KIAA1328: variants seen among roughly 807,000 people sequenced by gnomAD.
KIAA1328 encodes protein hinderin.
Under a neutral mutation model 68.1 loss-of-function variants are expected in KIAA1328, and 52 were observed. That is an observed-to-expected ratio of 0.76 (90% CI 0.61 to 0.96). The LOEUF is 0.96. Among genes scored for constraint, KIAA1328 ranks in the 40% least tolerant of loss-of-function variants. KIAA1328 has a pLI of 0.00. For missense variants in KIAA1328, 641 were observed against 677.6 expected (o/e 0.95, Z 0.60); for synonymous variants, 232 against 239.4 (o/e 0.97, Z 0.28).
At chr18:37,125,414 T>C (rs1300611791) in intron 7 of KIAA1328, among the ~76,000 whole-genome samples, 1 of 152,112 alleles carries the variant, frequency 6.6e-6, no homozygotes, top group Non-Finnish European at 1.5e-5. Context: ...GTTTAAATGT[T>C]TTAAATTGGT....
intron 9 of KIAA1328, among the ~76,000 whole-genome samples, chr18:37,183,741 CTT>C (rs1361052770): frequency 2.0e-5 from 3 of 152,326 alleles, no homozygotes; most frequent in Admixed American, 2.0e-4. Context: ...TGGTGTCAGT[CTT>C]CTCTATGAAA....
intron 5 of KIAA1328, among the ~76,000 whole-genome samples, chr18:36,907,214 G>A (rs1295468649): frequency 6.6e-6 from 1 of 151,838 alleles, no homozygotes; most frequent in Non-Finnish European, 1.5e-5. Context: ...TTTTATGTGA[G>A]CAATTGTGTT....
At chr18:36,890,446 G>A (rs112669372) in intron 5 of KIAA1328, among the ~76,000 whole-genome samples, 23,278 of 151,932 alleles carry the variant, frequency 0.15, 1,887 homozygotes, top group African/African-American at 0.19. Flanking sequence ...CAAGGCAGGC[G>A]GATCACCTGA....
chr18:37,067,568 T>TC, intron 7 of KIAA1328, 23 bp downstream of exon 7: 1 of 1,458,020 alleles, frequency 6.9e-7, no homozygotes, highest in East Asian at 2.5e-5. Flanking sequence ...TGTTCTTTTT[T>TC]TTTTTTTTTT....
intron 6 of KIAA1328, among the ~76,000 whole-genome samples, chr18:37,002,902 C>G (rs2053642549): frequency 6.6e-6 from 1 of 152,018 alleles, no homozygotes; most frequent in Non-Finnish European, 1.5e-5. Flanking sequence ...GCAAAAAGAG[C>G]AAAGAGGTGT....
At chr18:37,126,374 C>T (rs907084539) in intron 7 of KIAA1328, among the ~76,000 whole-genome samples, 2 of 151,918 alleles carry the variant, frequency 1.3e-5, no homozygotes, top group African/African-American at 4.8e-5. Flanking sequence ...TCTTGAAAGA[C>T]AAAAACTACC....
chr18:37,028,421 G>A (rs1280775347), intron 6 of KIAA1328, among the ~76,000 whole-genome samples: 1 of 151,934 alleles, frequency 6.6e-6, no homozygotes, highest in African/African-American at 2.4e-5. Flanking sequence ...TTATCTAGGA[G>A]CTTTAGGGCA....
chr18:36,848,401 A>G (rs954509640), intron 4 of KIAA1328, among the ~76,000 whole-genome samples: 2 of 151,286 alleles, frequency 1.3e-5, no homozygotes, highest in Non-Finnish European at 1.5e-5. Flanking sequence ...TTTTTAACAT[A>G]TATTGGCTTG....
At chr18:36,869,934 C>T (rs2047888966) in intron 4 of KIAA1328, among the ~76,000 whole-genome samples, 1 of 152,074 alleles carries the variant, frequency 6.6e-6, no homozygotes, top group Non-Finnish European at 1.5e-5. Context: ...GCGATCTGGG[C>T]TCACTGCAAC....
intron 6 of KIAA1328, 68 bp from the exon 7 acceptor site, chr18:37,066,822 A>G (rs2056354085): frequency 7.1e-7 from 1 of 1,410,130 alleles, no homozygotes; most frequent in African/African-American, 1.4e-5. Context: ...CTGATTTCTG[A>G]AAAACCAAAC....
chr18:37,080,068 A>G lies in KIAA1328; in HGVS notation c.1232+12523A>G, dbSNP rs1175326004. Among the ~76,000 whole-genome samples, 4 of 152,350 alleles carry G rather than the reference A, an allele frequency of 2.6e-5. No homozygotes were observed. The South Asian group carries it at 6.2e-4, about 24-fold the overall frequency. On this transcript the variant is annotated intron_variant, in intron 7 of 9. Transcript: ENST00000280020. The stretch of plus-strand genomic sequence containing the variant: ...AAGCAAGATGACCAGGAAGGTTCAC[A>G]GTATACTCTGGTGGTAGGCAGAGAA...
chr18:37,180,811 G>A (rs1206429170), intron 9 of KIAA1328, among the ~76,000 whole-genome samples: 2 of 152,026 alleles, frequency 1.3e-5, no homozygotes, highest in Admixed American at 1.3e-4. Flanking sequence ...TTTCATAGTA[G>A]GTTTGAATAG....
At chr18:37,103,412 T>C (rs894565158) in intron 7 of KIAA1328, among the ~76,000 whole-genome samples, 2 of 152,148 alleles carry the variant, frequency 1.3e-5, no homozygotes, top group African/African-American at 4.8e-5. Context: ...GGAAAGACAG[T>C]CTTTTCAATA....
Position 37,191,264 on chromosome 18 carries a change from T to A in KIAA1328, c.1523+18183T>A, listed in dbSNP as rs938089258. Reference sequence around the variant, plus strand: ...CTTTTTTTAAATTTAACTTCTTTTATACATGTGCATTTAAAGACTTCATTA... The same window carrying A: ...CTTTTTTTAAATTTAACTTCTTTTAAACATGTGCATTTAAAGACTTCATTA... On this transcript the variant is annotated intron_variant, in intron 9 of 9. Transcript: ENST00000280020. Among the ~76,000 whole-genome samples, 4 of 152,238 alleles carry A rather than the reference T, an allele frequency of 2.6e-5. No homozygotes were observed. The South Asian group carries it at 8.3e-4, about 32-fold the overall frequency.
intron 5 of KIAA1328, among the ~76,000 whole-genome samples, chr18:36,904,176 A>T (rs971161010): frequency 6.6e-6 from 1 of 152,086 alleles, no homozygotes; most frequent in African/African-American, 2.4e-5. Flanking sequence ...TATTACCGTT[A>T]TTATCATAGC....
chr18:37,158,042 C>CT (rs1286076586), intron 7 of KIAA1328, among the ~76,000 whole-genome samples: 121 of 145,752 alleles, frequency 8.3e-4, no homozygotes, highest in Middle Eastern at 3.5e-3. Flanking sequence ...TTCTTTCTTT[C>CT]TTTTTTTTTG....
chr18:37,090,094 A>G (rs1276403149), intron 7 of KIAA1328, among the ~76,000 whole-genome samples: 1 of 152,214 alleles, frequency 6.6e-6, no homozygotes, highest in Non-Finnish European at 1.5e-5. Flanking sequence ...TCCCACAGAC[A>G]ATAGGAAATA....
intron 7 of KIAA1328, among the ~76,000 whole-genome samples, chr18:37,150,200 CTTA>C (rs1340453393): frequency 6.6e-6 from 1 of 152,132 alleles, no homozygotes; most frequent in Non-Finnish European, 1.5e-5. Context: ...TAATATCAAT[CTTA>C]CACAAATTAT....
intron 6 of KIAA1328, among the ~76,000 whole-genome samples, chr18:36,979,831 T>C (rs980563256): frequency 6.6e-6 from 1 of 152,218 alleles, no homozygotes; most frequent in African/African-American, 2.4e-5. Context: ...GATCACTGTC[T>C]ATAGTGTATA....
Sources: allele counts gnomAD v4.1 joint callset (sites outside exome capture counted in the v4.1 genomes callset), GRCh38; gene constraint gnomAD v4.1.1; transcripts MANE v1.5; gene names NCBI Gene and HGNC (gene_info 2026-07-23, HGNC 2026-07-21).